Variants in TSPEAR observed in about 807,000 individuals in gnomAD.
TSPEAR encodes the protein thrombospondin-type laminin G domain and EAR repeat-containing protein.
Under a neutral mutation model 71.6 loss-of-function variants are expected in TSPEAR, and 69 were observed. The observed-to-expected ratio is 0.96, with a 90% confidence interval of 0.79 to 1.18. TSPEAR has a LOEUF of 1.18. Among genes scored for constraint, TSPEAR ranks in the 50% most tolerant of loss-of-function variants. The probability of loss-of-function intolerance (pLI) is 0.00; values close to 1 mark genes in which losing one functional copy is unlikely to be tolerated. For missense variants in TSPEAR, 971 were observed against 894.9 expected (o/e 1.09, Z -1.09); for synonymous variants, 402 against 387.2 (o/e 1.04, Z -0.45).
chr21:44,525,142 A>T (rs922116680), intron 8 of TSPEAR, among the ~76,000 whole-genome samples: 3 of 149,846 alleles, frequency 2.0e-5, no homozygotes, highest in Non-Finnish European at 4.4e-5. Context: ...AGTCAGTCAG[A>T]CAGTCAGGTA....
Position 44,528,435 on chromosome 21 carries a change from G to T in TSPEAR, c.922+17C>A, listed in dbSNP as rs201257982. Reference sequence around the variant, plus strand: ...GTGGCCCTGCATGCCAACGCCCCGGGTGCAGGGCTGCCTCACCTGCTAACA... The same window carrying T: ...GTGGCCCTGCATGCCAACGCCCCGGTTGCAGGGCTGCCTCACCTGCTAACA... On this transcript the variant is annotated intron_variant, in intron 6 of 11. Coordinates refer to ENST00000323084, the MANE Select transcript of TSPEAR (RefSeq NM_144991.3). 43 of 1,613,506 alleles carry T rather than the reference G, an allele frequency of 2.7e-5. No homozygotes were observed. The African/African-American group carries it at 4.9e-4, about 19-fold the overall frequency.
intron 2 of TSPEAR, chr21:44,551,204 G>T (rs782430780): frequency 6.3e-7 from 1 of 1,584,246 alleles, no homozygotes; most frequent in Non-Finnish European, 8.7e-7. Context: ...AAGCCGGCTG[G>T]CAGCTAGACT....
rs374884082 is a variant in TSPEAR, at chr21:44,505,367, C to A, written c.1755-486G>T. 1.2e-3 allele frequency among the ~76,000 whole-genome samples: 177 copies of A among 152,224 alleles called. 1 individual carries two copies. The highest frequency in any genetic ancestry group is 4.1e-3 in the African/African-American group (169 of 41,522). ...GTGCTGGGATTACAGGCATGAGCCACCATGCCTGGCCTCAAATTTTAAATT... is the reference window on the plus strand; with the variant it reads ...GTGCTGGGATTACAGGCATGAGCCAACATGCCTGGCCTCAAATTTTAAATT... On this transcript the variant is annotated intron_variant, in intron 10 of 11. Transcript: ENST00000323084.
At position 44,529,666 on chromosome 21, in the gene TSPEAR, C is replaced by G; in HGVS notation, c.790+132G>C. On this transcript the variant is annotated intron_variant, in intron 5 of 11. Transcript: ENST00000323084. Reference sequence around the variant, plus strand: ...ATCCCCCTGGCCAATATGACCGCTGCCCCCCGTAGCAGTGATGAGGGGGGC... The same window carrying G: ...ATCCCCCTGGCCAATATGACCGCTGGCCCCCGTAGCAGTGATGAGGGGGGC... 3.9e-6 allele frequency: 4 copies of G among 1,022,764 alleles called. No homozygotes were observed. In the Admixed American group the frequency reaches 6.8e-5, roughly 17 times the overall value. 63.4% of individuals were successfully genotyped at this position (1,022,764 alleles called of 1,614,324 possible).
At chr21:44,592,394 A>G (rs1980029106) in intron 1 of TSPEAR, 1 of 1,589,390 alleles carries the variant, frequency 6.3e-7, no homozygotes, top group Non-Finnish European at 8.6e-7. Flanking sequence ...ACCTGCCAGG[A>G]GTCGGAGCAA....
chr21:44,658,393 G>A (rs1378870942), intron 1 of TSPEAR: 18 of 954,716 alleles, frequency 1.9e-5, no homozygotes, highest in Non-Finnish European at 2.6e-5. Context: ...TCTGAACTCT[G>A]GGGTGAGAAC....
rs1569253956 is a variant in TSPEAR, at chr21:44,677,572, G to A, written c.82+33861C>T. 5.2e-6 allele frequency: 5 copies of A among 965,068 alleles called. No individual in the cohort carries two copies. The East Asian group carries it at 1.2e-4, about 24-fold the overall frequency. The allele number at this position is 965,068 out of a possible 1,614,324, so 59.8% of individuals were successfully genotyped here. ...GAAGATGAGGATGCTTCTTCTGAAA[G>A]TGCAGGTGTGGGTTTTCCTTCATCA... On this transcript the variant is annotated intron_variant, in intron 1 of 11. Coordinates refer to ENST00000323084, the MANE Select transcript of TSPEAR (RefSeq NM_144991.3).
chr21:44,556,380 A>G (rs1436458540), intron 2 of TSPEAR, among the ~76,000 whole-genome samples: 1 of 151,540 alleles, frequency 6.6e-6, no homozygotes, highest in Non-Finnish European at 1.5e-5. Flanking sequence ...CTCTCAAAAA[A>G]AAATAACAAC....
Position 44,521,916 on chromosome 21 carries a change from G to A in TSPEAR, c.1533C>T (p.Leu511=), listed in dbSNP as rs1555914314. 35 of 1,613,916 alleles carry A rather than the reference G, an allele frequency of 2.2e-5. No homozygotes were observed. The highest frequency in any genetic ancestry group is 2.6e-5 in the Non-Finnish European group (31 of 1,179,998). ...ACTGGAAGAGCTGGAAGGAGCCCAGGAGTCGGATGTAGAGGTGCGAGTGCA... is the reference window on the plus strand; with the variant it reads ...ACTGGAAGAGCTGGAAGGAGCCCAGAAGTCGGATGTAGAGGTGCGAGTGCA... ...TKVHSHLYIR[L]LGSFQLFQSF... Residue 511 remains leucine, a synonymous_variant, in exon 9 of 12, where the codon CTC becomes CTT. Transcript: ENST00000323084.
chr21:44,710,879 C>T lies in TSPEAR; in HGVS notation c.82+554G>A, dbSNP rs1988185099. On this transcript the variant is annotated intron_variant, in intron 1 of 11. Transcript: ENST00000323084. The surrounding 1 kb of genome is among the most constrained non-coding windows in gnomAD (Gnocchi z 4.6). The stretch of plus-strand genomic sequence containing the variant: ...CAGTGAGCCAGCCCAGGGCTCTCCA[C>T]TCAGACCAGATTACGCCCCAAAGAA... Among the ~76,000 whole-genome samples, 1 of 152,258 alleles carries T rather than the reference C, an allele frequency of 6.6e-6. No individual in the cohort carries two copies. Among genetic ancestry groups the T allele is most frequent in the South Asian group, 2.1e-4 (1 of 4,838 alleles).
chr21:44,672,196 T>C (rs1986087774), intron 1 of TSPEAR, among the ~76,000 whole-genome samples: 1 of 152,170 alleles, frequency 6.6e-6, no homozygotes, highest in Admixed American at 6.5e-5. Flanking sequence ...ATGTAACATA[T>C]GGAACACTAT....
At chr21:44,590,858 C>G (rs1365386411) in intron 1 of TSPEAR, among the ~76,000 whole-genome samples, 4 of 151,900 alleles carry the variant, frequency 2.6e-5, no homozygotes, top group Admixed American at 6.5e-5. Flanking sequence ...GGGCCATGTG[C>G]TGGGGTTGGG....
chr21:44,509,143 C>T (rs2052283469), intron 10 of TSPEAR, 56 bp downstream of exon 10: 1 of 1,567,988 alleles, frequency 6.4e-7, no homozygotes, highest in African/African-American at 1.3e-5. Flanking sequence ...GGGATTCCGA[C>T]ATGGTGGGCC....
At chr21:44,652,972 C>T (rs773212735) in intron 1 of TSPEAR, among the ~76,000 whole-genome samples, 1 of 151,844 alleles carries the variant, frequency 6.6e-6, no homozygotes, top group Non-Finnish European at 1.5e-5. Context: ...CTGGCTAACA[C>T]GGTGAAACCC....
chr21:44,600,061 G>A (rs587648160), intron 1 of TSPEAR, among the ~76,000 whole-genome samples: 23 of 152,308 alleles, frequency 1.5e-4, no homozygotes, highest in Admixed American at 1.0e-3. Context: ...ACCCTTTCCC[G>A]TTTGCCACTT....
intron 2 of TSPEAR, among the ~76,000 whole-genome samples, chr21:44,562,153 G>A (rs2053644584): frequency 6.6e-6 from 1 of 152,116 alleles, no homozygotes. Context: ...CAAAATCAAT[G>A]TGCAAAAATC....
At chr21:44,568,030 G>A (rs374304575) in intron 1 of TSPEAR, 25 bp from the exon 2 acceptor site, 1 of 1,494,062 alleles carries the variant, frequency 6.7e-7, no homozygotes, top group Non-Finnish European at 9.0e-7. Flanking sequence ...TCACAGGTGG[G>A]TTAGGCCAGG....
At chr21:44,538,927 G>C in intron 2 of TSPEAR, 1 of 381,224 alleles carries the variant, frequency 2.6e-6, no homozygotes, top group Non-Finnish European at 4.8e-6. Context: ...GGCTGGAGGA[G>C]ACCAATGTCA....
chr21:44,609,112 C>A (rs7278302), intron 1 of TSPEAR, among the ~76,000 whole-genome samples: 6,719 of 152,140 alleles, frequency 0.044, 384 homozygotes, highest in African/African-American at 0.13. Flanking sequence ...AACCATAAAA[C>A]AAAAGAGTTC....
Sources: gnomAD v4.1 joint callset for allele counts (sites outside exome capture counted in the v4.1 genomes callset) on GRCh38, gnomAD v4.1.1 for gene constraint, Gnocchi (gnomAD v3.1) non-coding constraint, MANE v1.5 for transcripts, NCBI Gene and HGNC (gene_info 2026-07-23, HGNC 2026-07-21) for gene names.